The following ASCC3 variants were observed in gnomAD, a reference collection of about 807,000 sequenced individuals.
ASCC3 encodes the protein ASC-1 complex subunit P200.
Under a neutral mutation model 256.3 loss-of-function variants are expected in ASCC3, and 158 were observed. That is an observed-to-expected ratio of 0.62 (90% confidence interval 0.54 to 0.70). The LOEUF is 0.70. Ranked by LOEUF, ASCC3 falls within the 30% of genes least tolerant of loss-of-function variation. The probability of loss-of-function intolerance (pLI) is 0.00; values close to 1 mark genes in which losing one functional copy is unlikely to be tolerated. For synonymous variants in ASCC3, 948 were observed against 883.4 expected (o/e 1.07, Z -1.30); for missense variants, 2,259 against 2,626.0 (o/e 0.86, Z 3.05).
At chr6:100,700,058 G>A (rs1778280129) in intron 13 of ASCC3, among the ~76,000 whole-genome samples, 1 of 152,128 alleles carries the variant, frequency 6.6e-6, no homozygotes, top group South Asian at 2.1e-4. Context: ...AAGAAAAGAG[G>A]AGCCAAATGT....
chr6:100,831,205 A>C (rs1582931226), intron 4 of ASCC3, among the ~76,000 whole-genome samples: 1 of 152,066 alleles, frequency 6.6e-6, no homozygotes, highest in East Asian at 1.9e-4. Context: ...ATTATCTTGA[A>C]AAACCCTTTC....
intron 8 of ASCC3, among the ~76,000 whole-genome samples, chr6:100,782,097 T>C (rs1782476487): frequency 6.6e-6 from 1 of 152,104 alleles, no homozygotes; most frequent in East Asian, 1.9e-4. Flanking sequence ...AAAAGAATTA[T>C]AGGGAATTCT....
intron 11 of ASCC3, among the ~76,000 whole-genome samples, 171 bp from the exon 12 acceptor site, chr6:100,718,422 T>C (rs960423603): frequency 6.6e-6 from 1 of 152,018 alleles, no homozygotes. Context: ...ACAAGCTTGA[T>C]TTAACAGATA....
At chr6:100,699,368 C>T (rs1259386028) in intron 13 of ASCC3, among the ~76,000 whole-genome samples, 1 of 152,138 alleles carries the variant, frequency 6.6e-6, no homozygotes, top group Non-Finnish European at 1.5e-5. Flanking sequence ...CTGCCGCCAT[C>T]CATGTAAGAC....
chr6:100,586,229 G>A (rs995491319), intron 36 of ASCC3, among the ~76,000 whole-genome samples: 1 of 152,214 alleles, frequency 6.6e-6, no homozygotes, highest in Non-Finnish European at 1.5e-5. Flanking sequence ...GCTGTGGTGG[G>A]CTCCACCCAG....
chr6:100,675,636 T>C (rs1224777970), intron 14 of ASCC3, among the ~76,000 whole-genome samples: 1 of 152,210 alleles, frequency 6.6e-6, no homozygotes, highest in Non-Finnish European at 1.5e-5. Context: ...CGTATTACTA[T>C]TGGATTCTTC....
intron 37 of ASCC3, among the ~76,000 whole-genome samples, chr6:100,519,358 A>C (rs1209253196): frequency 6.6e-6 from 1 of 152,122 alleles, no homozygotes; most frequent in Non-Finnish European, 1.5e-5. Flanking sequence ...ATGTTGGTAT[A>C]ATAGGTATAT....
intron 1 of ASCC3, among the ~76,000 whole-genome samples, chr6:100,880,667 A>G (rs1053536536): frequency 5.9e-5 from 9 of 152,150 alleles, no homozygotes; most frequent in African/African-American, 1.9e-4. Context: ...GTGTTGGGGG[A>G]AAAATATGAG....
chr6:100,800,489 A>T lies in ASCC3; in HGVS notation c.938T>A (p.Ile313Asn), dbSNP rs751120994. ...ATTGGGTTTAGCATTTTCTCCTAAAATTTTTTTACAATTGTCTAAGAAGCA... is the reference window on the plus strand; with the variant it reads ...ATTGGGTTTAGCATTTTCTCCTAAATTTTTTTTACAATTGTCTAAGAAGCA... ...FQALQDNCKK[I>N]LGENAKPNYG... The change falls in exon 6 of 42, where the codon ATT becomes AAT. Residue 313 changes from isoleucine to asparagine, a missense_variant. Coordinates refer to ENST00000369162, the MANE Select transcript of ASCC3 (RefSeq NM_006828.4). 1 of 1,609,042 alleles carries T rather than the reference A, an allele frequency of 6.2e-7. No homozygotes were observed. Among genetic ancestry groups the T allele is most frequent in the African/African-American group, 1.3e-5 (1 of 74,756 alleles).
intron 37 of ASCC3, chr6:100,530,238 A>C: frequency 1.2e-6 from 1 of 856,068 alleles, no homozygotes; most frequent in Non-Finnish European, 2.0e-6. Flanking sequence ...ATTCGCTCAG[A>C]GCCACAGGAG....
intron 4 of ASCC3, among the ~76,000 whole-genome samples, chr6:100,843,115 G>A (rs546825808): frequency 1.1e-4 from 17 of 152,260 alleles, no homozygotes; most frequent in African/African-American, 3.8e-4. Context: ...ATGAGGTTCT[G>A]AGTAATTTTT....
Position 100,679,605 on chromosome 6 carries a change from C to G in ASCC3, c.2286+13G>C. 4 of 1,613,302 alleles carry G rather than the reference C, an allele frequency of 2.5e-6. No individual in the cohort carries two copies. The highest frequency in any genetic ancestry group is 3.4e-6 in the Non-Finnish European group (4 of 1,179,524). On this transcript the variant is annotated intron_variant, in intron 14 of 41. Transcript: ENST00000369162. ...TGTTACATGCTTTAGTTCTTGTCCT[C>G]TTTGTTTCTTACCTGTTTTTCTGCA...
chr6:100,653,687 T>A (rs897533486), intron 17 of ASCC3, among the ~76,000 whole-genome samples: 1 of 151,614 alleles, frequency 6.6e-6, no homozygotes, highest in African/African-American at 2.4e-5. Context: ...TTATTATTAT[T>A]ATATGCAGAT....
chr6:100,831,599 G>C (rs1360686603), intron 4 of ASCC3, among the ~76,000 whole-genome samples: 1 of 152,150 alleles, frequency 6.6e-6, no homozygotes, highest in Non-Finnish European at 1.5e-5. Context: ...TGAAAAAAAA[G>C]TTGAACTACC....
intron 6 of ASCC3, 28 bp from the exon 7 acceptor site, chr6:100,799,600 G>C (rs1203184785): frequency 1.2e-6 from 2 of 1,606,186 alleles, no homozygotes; most frequent in African/African-American, 2.7e-5. Context: ...GGCCTAATTT[G>C]AAATGTTTAT....
intron 37 of ASCC3, among the ~76,000 whole-genome samples, chr6:100,532,406 A>ATTTT (rs57203625): frequency 4.1e-5 from 2 of 48,480 alleles, no homozygotes; most frequent in African/African-American, 1.4e-4. Context: ...ATATATATAT[A>ATTTT]TTTTTTTTTT....
Position 100,786,514 on chromosome 6 carries a change from G to A in ASCC3, c.1395+12199C>T, listed in dbSNP as rs189802285. Among the ~76,000 whole-genome samples the A allele has an allele frequency of 7.6e-3, 1,161 of 152,200 alleles. 8 individuals are homozygous for A. The highest frequency in any genetic ancestry group is 0.013 in the Non-Finnish European group (891 of 68,010). On this transcript the variant is annotated intron_variant, in intron 8 of 41. Coordinates refer to ENST00000369162, the MANE Select transcript of ASCC3 (RefSeq NM_006828.4). ...TCTGTAATATTTTATGGACTTGACC[G>A]TATAAGTGCCCAAATATTTTATCCT...
At chr6:100,725,147 T>C (rs957069644) in intron 11 of ASCC3, among the ~76,000 whole-genome samples, 11 of 152,064 alleles carry the variant, frequency 7.2e-5, no homozygotes, top group Non-Finnish European at 1.6e-4. Context: ...AGACAATAAA[T>C]GAGGAATCAA....
At chr6:100,625,730 A>G (rs1774196674) in intron 29 of ASCC3, among the ~76,000 whole-genome samples, 1 of 152,094 alleles carries the variant, frequency 6.6e-6, no homozygotes, top group South Asian at 2.1e-4. Flanking sequence ...GATATTACAG[A>G]GTTAACTGGT....
Sources: gnomAD v4.1 joint callset for allele counts (sites outside exome capture counted in the v4.1 genomes callset) on GRCh38, gnomAD v4.1.1 for gene constraint, MANE v1.5 for transcripts, NCBI Gene and HGNC (gene_info 2026-07-23, HGNC 2026-07-21) for gene names.